The following USP22 variants were observed in gnomAD, a reference collection of about 807,000 sequenced individuals.
USP22 encodes the protein ubiquitin carboxyl-terminal hydrolase 22.
A neutral mutation model predicts 68.1 loss-of-function variants in USP22; 22 were observed. That is an observed-to-expected ratio of 0.32 (90% CI 0.23 to 0.46). USP22 has a LOEUF of 0.46. Ranked by LOEUF, USP22 falls within the 20% of genes least tolerant of loss-of-function variation. The pLI is 1.00. For missense variants in USP22, 433 were observed against 695.8 expected, an observed-to-expected ratio of 0.62 and a Z score of 4.25; for synonymous variants, 279 against 274.2, an observed-to-expected ratio of 1.02 and a Z score of -0.17.
intron 1 of USP22, among the ~76,000 whole-genome samples, chr17:21,036,768 A>T (rs543684065): frequency 6.6e-6 from 1 of 152,194 alleles, no homozygotes; most frequent in Non-Finnish European, 1.5e-5. Flanking sequence ...TGATGAATAT[A>T]TATCAAATTA....
chr17:21,013,385 G>GC (rs1283678887), intron 6 of USP22, among the ~76,000 whole-genome samples: 1 of 152,186 alleles, frequency 6.6e-6, no homozygotes, highest in Non-Finnish European at 1.5e-5. Context: ...CAGGACACAG[G>GC]CTGTCCTCAT....
rs1021231315 is a variant in USP22, at chr17:21,002,653, T to C, written c.*378A>G. 1.7e-5 allele frequency: 5 copies of C among 288,960 alleles called. No homozygotes were observed. In the East Asian group the frequency reaches 4.4e-4, roughly 25 times the overall value. 17.9% of individuals were successfully genotyped at this position (288,960 alleles called of 1,614,324 possible). A position where few individuals can be genotyped will look rare whatever the true frequency, so the allele number is the denominator to read the frequency against. ...GCTTACTGCTTTCATGGACCCATAA[T>C]CTTACAGCAGGTAGGGGCCTTTCCA... On this transcript the variant is annotated 3_prime_UTR_variant, in exon 13 of 13. Transcript: ENST00000261497.
chr17:21,011,118 C>G (rs1393351396), intron 8 of USP22, 33 bp downstream of exon 8: 3 of 1,550,746 alleles, frequency 1.9e-6, no homozygotes, highest in South Asian at 2.5e-5. Context: ...GGCCAGGAGA[C>G]ACGCCCCCGC....
At chr17:21,034,039 G>A (rs1420131187) in intron 1 of USP22, among the ~76,000 whole-genome samples, 3 of 151,668 alleles carry the variant, frequency 2.0e-5, no homozygotes, top group East Asian at 3.9e-4. Context: ...ATGAGCCACC[G>A]TGCCCGGCCT....
At position 21,004,981 on chromosome 17, in the gene USP22, G is replaced by A. The variant is rs749774578; in HGVS notation, c.1332C>T (p.Ser444=). 3 of 1,614,188 alleles carry A rather than the reference G, an allele frequency of 1.9e-6. No individual in the cohort carries two copies. Among genetic ancestry groups the A allele is most frequent in the Non-Finnish European group, 2.5e-6 (3 of 1,180,018 alleles). Residue 444 remains serine (S), a synonymous_variant, in exon 11 of 13, where the codon AGC becomes AGT. Transcript: ENST00000261497. ...MTPFMASSKE[S]RMNGQYQQPT... is the part of the protein sequence containing the mutation. ...GCTGCTGGTACTGTCCATTCATCCT[G>A]CTCTCTTTGCTGTAACAGACAACGG... is the stretch of plus-strand genomic sequence containing the variant.
At chr17:21,040,916 G>A (rs1972421338) in intron 1 of USP22, among the ~76,000 whole-genome samples, 1 of 143,952 alleles carries the variant, frequency 6.9e-6, no homozygotes, top group Admixed American at 7.1e-5. Context: ...AGGGGGTCTT[G>A]CTCTGTCACC....
intron 1 of USP22, among the ~76,000 whole-genome samples, chr17:21,029,390 A>G (rs1972261309): frequency 6.6e-6 from 1 of 152,224 alleles, no homozygotes; most frequent in Non-Finnish European, 1.5e-5. Context: ...AGATTGATAA[A>G]CATATACACC....
chr17:21,015,415 A>G (rs1371215021), intron 6 of USP22, among the ~76,000 whole-genome samples: 1 of 152,168 alleles, frequency 6.6e-6, no homozygotes, highest in African/African-American at 2.4e-5. Flanking sequence ...CAGGCCTGAT[A>G]ACCCACAGGG....
At chr17:21,010,050 G>T (rs917989591) in intron 8 of USP22, among the ~76,000 whole-genome samples, 6 of 152,064 alleles carry the variant, frequency 3.9e-5, no homozygotes, top group Non-Finnish European at 7.4e-5. Flanking sequence ...GGCCGAGACA[G>T]GAGACCAAGG....
chr17:21,019,293 T>G, intron 3 of USP22, 108 bp from the exon 4 acceptor site: 1 of 1,064,312 alleles, frequency 9.4e-7, no homozygotes, highest in Non-Finnish European at 1.4e-6. Context: ...TGCATTTCAG[T>G]GAGCAACATC....
chr17:21,043,070 TCGCGGAGGGTGTCGCGGGGCGGGG>T (rs1387093964), upstream of USP22: 4 of 191,774 alleles, frequency 2.1e-5, no homozygotes, highest in Non-Finnish European at 3.0e-5. Context: ...CTCTCGCGGT[TCGCGGAGGGTGTCGCGGGGCGGGG>T]CGCCGCGGCC....
chr17:21,038,810 G>C (rs1972389296), intron 1 of USP22, among the ~76,000 whole-genome samples: 1 of 151,992 alleles, frequency 6.6e-6, no homozygotes, highest in South Asian at 2.1e-4. Context: ...ATATAATGTA[G>C]AATGTTAAAT....
intron 4 of USP22, chr17:21,018,375 C>T (rs756793249): frequency 6.4e-5 from 21 of 328,874 alleles, no homozygotes; most frequent in Non-Finnish European, 8.9e-5. Flanking sequence ...TCTACGACAA[C>T]AGGCCAGGTC....
chr17:21,002,750 G>T lies in USP22; in HGVS notation c.*281C>A. ...GGCCCCCGTTGCACCCCCATGTCAT[G>T]ACACAAGAGATGTTCTGGTGACGGG... On this transcript the variant is annotated 3_prime_UTR_variant, in exon 13 of 13. Coordinates refer to ENST00000261497, the MANE Select transcript of USP22 (RefSeq NM_015276.2). 2.5e-6 allele frequency: 1 copy of T among 405,510 alleles called. No homozygotes were observed. The allele number at this position is 405,510 out of a possible 1,614,324, so 25.1% of individuals were successfully genotyped here. A position where few individuals can be genotyped will look rare whatever the true frequency, so the allele number is the denominator to read the frequency against.
chr17:21,007,516 C>A (rs1211838957), intron 9 of USP22, among the ~76,000 whole-genome samples: 3 of 152,220 alleles, frequency 2.0e-5, no homozygotes, highest in Non-Finnish European at 2.9e-5. Flanking sequence ...AGCTTGCCAA[C>A]TCCTGGACCA....
chr17:21,011,968 CCAAA>C (rs1392504839), intron 7 of USP22, among the ~76,000 whole-genome samples: 1 of 152,124 alleles, frequency 6.6e-6, no homozygotes, highest in Non-Finnish European at 1.5e-5. Context: ...AGACAAGGCC[CCAAA>C]CGGTCTATGC....
intron 2 of USP22, among the ~76,000 whole-genome samples, chr17:21,026,882 A>C (rs1597698042): frequency 6.6e-6 from 1 of 150,808 alleles, no homozygotes; most frequent in South Asian, 2.1e-4. Context: ...GCTCACTGCA[A>C]CCTCCGCCTC....
At chr17:21,004,680 G>A (rs1020155564) in intron 11 of USP22, among the ~76,000 whole-genome samples, 1 of 152,236 alleles carries the variant, frequency 6.6e-6, no homozygotes, top group Non-Finnish European at 1.5e-5. Context: ...CTTTCCAGAT[G>A]GAACCTCCCT....
At chr17:21,005,163 G>A (rs1567789398) in intron 10 of USP22, 173 bp from the exon 11 acceptor site, 11 of 754,110 alleles carry the variant, frequency 1.5e-5, no homozygotes, top group Middle Eastern at 3.8e-4. Flanking sequence ...TGACGCTCAA[G>A]CTGTGGAGGC....
Sources: allele counts gnomAD v4.1 joint callset (sites outside exome capture counted in the v4.1 genomes callset), GRCh38; gene constraint gnomAD v4.1.1; transcripts MANE v1.5; gene names NCBI Gene and HGNC (gene_info 2026-07-23, HGNC 2026-07-21).